ZNF213: variants seen among roughly 807,000 people sequenced by gnomAD.
ZNF213 encodes putative transcription factor CR53.
In ZNF213, 32 loss-of-function variants were observed where a neutral mutation model predicts 46.0. The observed-to-expected ratio is 0.70, with a 90% CI of 0.52 to 0.93. The LOEUF is 0.93. Ranked by LOEUF, ZNF213 falls within the 40% of genes least tolerant of loss-of-function variation. The probability of loss-of-function intolerance (pLI) is 0.00; values close to 1 mark genes in which losing one functional copy is unlikely to be tolerated. For synonymous variants in ZNF213, 297 were observed against 271.0 expected (o/e 1.10, Z -0.94); for missense variants, 639 against 652.8 (o/e 0.98, Z 0.23).
chr16:3,138,339 G>T, intron 2 of ZNF213, 79 bp from the exon 3 acceptor site: 5 of 1,587,226 alleles, frequency 3.2e-6, no homozygotes, highest in Non-Finnish European at 4.3e-6. Flanking sequence ...GTCATGTCCT[G>T]TGTCTCCTTC....
Position 3,138,461 on chromosome 16 carries a change from G to T in ZNF213, c.443G>T (p.Gly148Val), listed in dbSNP as rs1957566271. The change falls in exon 3 of 6, where the codon GGA becomes GTA. Residue 148 changes from glycine (G) to valine (V), a missense_variant. By Grantham distance (109) the Gly-to-Val change is moderately radical (BLOSUM62 -3). Transcript: ENST00000396878. ...GCGGAACCCGAGGCTGCAGGCCGGG[G>T]ATCCCAGGCCACGGGGCCTCCCCCG... ...EEAEPEAAGR[G>V]SQATGPPPTV... 6.2e-7 allele frequency: 1 copy of T among 1,613,070 alleles called. No individual in the cohort carries two copies. Among genetic ancestry groups the T allele is most frequent in the Non-Finnish European group, 8.5e-7 (1 of 1,179,638 alleles).
chr16:3,135,778 A>G (rs1957528047), intron 1 of ZNF213, among the ~76,000 whole-genome samples: 1 of 149,444 alleles, frequency 6.7e-6, no homozygotes, highest in Non-Finnish European at 1.5e-5. Context: ...TATTGTTTGA[A>G]TCTTCCCTTT....
Position 3,137,436 on chromosome 16 carries a change from C to G in ZNF213, c.156C>G (p.Cys52Trp). The part of the protein sequence containing the change: ...EACRQRFRQF[C>W]YGDVHGPHEA... Reference sequence around the variant, plus strand: ...GCCGCCAGCGCTTCCGGCAATTCTGCTACGGGGATGTGCATGGGCCTCATG... The same window carrying G: ...GCCGCCAGCGCTTCCGGCAATTCTGGTACGGGGATGTGCATGGGCCTCATG... Residue 52 changes from cysteine to tryptophan, a missense_variant, in exon 2 of 6, where the codon TGC becomes TGG. Coordinates refer to ENST00000396878, the MANE Select transcript of ZNF213 (RefSeq NM_004220.3). 1 of 1,614,008 alleles carries G rather than the reference C, an allele frequency of 6.2e-7. No individual in the cohort carries two copies. Among genetic ancestry groups the G allele is most frequent in the Non-Finnish European group, 8.5e-7 (1 of 1,180,034 alleles).
rs1302718330 is a variant in ZNF213 at position 3,142,192 on chromosome 16, C to T, written c.*845C>T. 4 of 208,380 alleles carry T rather than the reference C, an allele frequency of 1.9e-5. No homozygotes were observed. Among genetic ancestry groups the T allele is most frequent in the Non-Finnish European group, 3.9e-5 (4 of 103,238 alleles). The allele number at this position is 208,380 out of a possible 1,614,324, so 12.9% of individuals were successfully genotyped here. On this transcript the variant is annotated 3_prime_UTR_variant, in exon 6 of 6. Coordinates refer to ENST00000396878, the MANE Select transcript of ZNF213 (RefSeq NM_004220.3). The stretch of plus-strand genomic sequence containing the variant: ...GCACCTCACTCCATCGGCCCCGGCA[C>T]CCTGCTCCATCGGCACTGGCGCCCT...
chr16:3,136,719 T>A (rs577175459), intron 1 of ZNF213, among the ~76,000 whole-genome samples: 11 of 138,334 alleles, frequency 8.0e-5, no homozygotes, highest in Admixed American at 2.2e-4. Flanking sequence ...TCTCTCTCAG[T>A]AAAAAAAAAA....
In ZNF213 at chr16:3,137,591, G is replaced by A; in HGVS notation, c.311G>A (p.Trp104Ter). The change falls in exon 2 of 6, where the codon TGG (tryptophan) becomes TAG (stop). Residue 104 changes from tryptophan to a stop codon, truncating the protein, a stop_gained. Coordinates refer to ENST00000396878, the MANE Select transcript of ZNF213 (RefSeq NM_004220.3). LOFTEE classifies it high-confidence loss of function. ...LTVLPGEIQGWVREQHPGSGE... is the reference protein window; with the variant it reads ...LTVLPGEIQG ...GTGCTGCCAGGGGAGATCCAGGGCT[G>A]GGTGCGTGAGCAGCACCCGGGAAGC... 6.2e-7 allele frequency: 1 copy of A among 1,614,072 alleles called. No homozygotes were observed. Among genetic ancestry groups the A allele is most frequent in the Non-Finnish European group, 8.5e-7 (1 of 1,180,040 alleles).
intron 1 of ZNF213, among the ~76,000 whole-genome samples, chr16:3,136,264 T>G (rs988294076): frequency 6.6e-6 from 1 of 152,222 alleles, no homozygotes; most frequent in African/African-American, 2.4e-5. Context: ...TGGCTTTGGA[T>G]GGTGTCTGTA....
rs1455879408 is a variant in ZNF213, at chr16:3,140,948, C to G, written c.981C>G (p.Arg327=). The change falls in exon 6 of 6, where the codon CGC becomes CGG. Residue 327 remains arginine, a synonymous_variant. Transcript: ENST00000396878. ...GCGGGCAGTGTGGAAAGCGCTTCCG[C>G]TGGGGCTCGGACCTGGCGCGGCACC... ...HSCGQCGKRF[R]WGSDLARHQR... 1 of 1,602,642 alleles carries G rather than the reference C, an allele frequency of 6.2e-7. No homozygotes were observed. Among genetic ancestry groups the G allele is most frequent in the South Asian group, 1.1e-5 (1 of 90,486 alleles).
rs538674724 is a variant in ZNF213, at chr16:3,139,578, C to T, written c.721+480C>T. Reference sequence around the variant, plus strand: ...TCCATGCCAGGCCCCTTCTCAGCACCATCAGGGATCATCTTGTTCAGTCAC... The same window carrying T: ...TCCATGCCAGGCCCCTTCTCAGCACTATCAGGGATCATCTTGTTCAGTCAC... On this transcript the variant is annotated intron_variant, in intron 5 of 5. Transcript: ENST00000396878. 41 of 172,242 alleles carry T rather than the reference C, an allele frequency of 2.4e-4. 2 individuals carry two copies. The South Asian group carries it at 5.9e-3, about 25-fold the overall frequency. 10.7% of individuals were successfully genotyped at this position (172,242 alleles called of 1,614,324 possible).
intron 5 of ZNF213, chr16:3,140,487 T>G: frequency 2.8e-6 from 2 of 720,590 alleles, no homozygotes; most frequent in Non-Finnish European, 3.9e-6. Context: ...CCTCCCAAAA[T>G]GTTGGGATTA....
At position 3,140,918 on chromosome 16, in the gene ZNF213, C is replaced by T; in HGVS notation, c.951C>T (p.His317=). The T allele has an allele frequency of 6.3e-7, 1 of 1,592,052 alleles. No homozygotes were observed. Among genetic ancestry groups the T allele is most frequent in the Non-Finnish European group, 8.5e-7 (1 of 1,172,218 alleles). ...QFRDLAAEKP[H]SCGQCGKRFR... The stretch of plus-strand genomic sequence containing the variant: ...GGGACCTGGCAGCCGAGAAGCCGCA[C>T]AGCTGCGGGCAGTGTGGAAAGCGCT... The change falls in exon 6 of 6, where the codon CAC becomes CAT. Residue 317 remains histidine (H), a synonymous_variant. Coordinates refer to ENST00000396878, the MANE Select transcript of ZNF213 (RefSeq NM_004220.3).
chr16:3,136,707 ACT>A (rs1290102495), intron 1 of ZNF213, among the ~76,000 whole-genome samples: 1 of 136,680 alleles, frequency 7.3e-6, no homozygotes, highest in African/African-American at 2.7e-5. Context: ...ACAGAGTGAG[ACT>A]CTCTCTCAGT....
chr16:3,140,218 A>C (rs1281367969), intron 5 of ZNF213: 2 of 152,580 alleles, frequency 1.3e-5, no homozygotes, highest in Non-Finnish European at 2.9e-5. Flanking sequence ...TTTTTTCATC[A>C]TCCCTGATTT....
rs138596881 is a variant in ZNF213 at position 3,141,545 on chromosome 16, C to T, written c.*198C>T. ...GCTCAAAGGGAACGGAAGCCTTCCC[C>T]TCCCGCCCCCGATCTTGTCCTCTTT... On this transcript the variant is annotated 3_prime_UTR_variant, in exon 6 of 6. Transcript: ENST00000396878. 1.4e-4 allele frequency: 81 copies of T among 577,084 alleles called. 1 individual carries two copies. Among genetic ancestry groups the T allele is most frequent in the Non-Finnish European group, 2.0e-4 (68 of 340,116 alleles). The allele number at this position is 577,084 out of a possible 1,614,324, so 35.7% of individuals were successfully genotyped here. A position where few individuals can be genotyped will look rare whatever the true frequency, so the allele number is the denominator to read the frequency against.
At position 3,142,252 on chromosome 16, in the gene ZNF213, A is replaced by G. The variant is rs920465065; in HGVS notation, c.*905A>G. On this transcript the variant is annotated 3_prime_UTR_variant, in exon 6 of 6. Transcript: ENST00000396878. The stretch of plus-strand genomic sequence containing the variant: ...GCACTAATGCTCCACTCGGCGCCCC[A>G]CTCCATCGGCCCCGCTCCATCGGCA... The G allele has an allele frequency of 1.8e-4, 16 of 88,986 alleles. No homozygotes were observed. Among genetic ancestry groups the G allele is most frequent in the Non-Finnish European group, 3.3e-4 (12 of 36,408 alleles). The allele number at this position is 88,986 out of a possible 1,614,324, so 5.5% of individuals were successfully genotyped here.
At chr16:3,137,076 G>A (rs191197359) in intron 1 of ZNF213, 90 bp from the exon 2 acceptor site, 17 of 604,784 alleles carry the variant, frequency 2.8e-5, no homozygotes, top group South Asian at 4.6e-5. Flanking sequence ...GGCCATGAAA[G>A]GATGGGGACT....
chr16:3,139,248 A>G, intron 5 of ZNF213, 150 bp downstream of exon 5: 1 of 1,253,248 alleles, frequency 8.0e-7, no homozygotes, highest in Non-Finnish European at 1.1e-6. Flanking sequence ...TTGGCTGATG[A>G]TCAGTTTTTG....
chr16:3,136,711 T>C (rs905095807), intron 1 of ZNF213, among the ~76,000 whole-genome samples: 5 of 119,156 alleles, frequency 4.2e-5, no homozygotes, highest in African/African-American at 1.5e-4. Context: ...AGTGAGACTC[T>C]CTCTCAGTAA....
At position 3,137,614 on chromosome 16, in the gene ZNF213, A is replaced by G; in HGVS notation, c.334A>G (p.Ser112Gly). 6.2e-7 allele frequency: 1 copy of G among 1,613,936 alleles called. No homozygotes were observed. Among genetic ancestry groups the G allele is most frequent in the Non-Finnish European group, 8.5e-7 (1 of 1,180,016 alleles). The change falls in exon 2 of 6, where the codon AGC (serine) becomes GGC (glycine). Residue 112 changes from serine to glycine, a missense_variant. Transcript: ENST00000396878. ...QGWVREQHPG[S>G]GEEAVALVED... ...CTGGGTGCGTGAGCAGCACCCGGGA[A>G]GCGGTGAGGAGGCTGTCGCCTTGGT...
Sources: allele counts gnomAD v4.1 joint callset (sites outside exome capture counted in the v4.1 genomes callset), GRCh38; gene constraint gnomAD v4.1.1; transcripts MANE v1.5; gene names NCBI Gene and HGNC (gene_info 2026-07-23, HGNC 2026-07-21).